The following STARD6 variants were observed in gnomAD, a reference collection of about 807,000 sequenced individuals.
STARD6 encodes the protein StAR related lipid transfer domain containing 6.
In STARD6, 21 loss-of-function variants were observed where a neutral mutation model predicts 22.3. The observed-to-expected ratio is 0.94, with a 90% CI of 0.67 to 1.35. The LOEUF is 1.35. STARD6 is among the 40% of genes most tolerant of loss of function. The probability of loss-of-function intolerance (pLI) is 0.00; values close to 1 mark genes in which losing one functional copy is unlikely to be tolerated. For missense variants in STARD6, 269 were observed against 266.9 expected, an observed-to-expected ratio of 1.01 and a Z score of -0.05; for synonymous variants, 80 against 88.1, an observed-to-expected ratio of 0.91 and a Z score of 0.52.
rs149971144 is a variant in STARD6, at chr18:54,339,665, C to A, written c.141-2414G>T. Among the ~76,000 whole-genome samples, 1,178 of 152,224 alleles carry A rather than the reference C, an allele frequency of 7.7e-3. 14 individuals are homozygous for A. The highest frequency in any genetic ancestry group is 0.048 in the Middle Eastern group (14 of 294). On this transcript the variant is annotated intron_variant, in intron 4 of 7. Transcript: ENST00000307844. ...AAAATAAAGGTTAAACAAAGACATT[C>A]TGAGATAAATAAAAACAGAGAATTT...
intron 4 of STARD6, among the ~76,000 whole-genome samples, chr18:54,353,741 A>G (rs933131553): frequency 6.6e-6 from 1 of 152,224 alleles, no homozygotes; most frequent in African/African-American, 2.4e-5. Context: ...AAAATTCCAT[A>G]AAATATTACT....
At chr18:54,354,000 A>T in intron 4 of STARD6, 54 bp downstream of exon 4, 1 of 1,092,568 alleles carries the variant, frequency 9.2e-7, no homozygotes, top group Non-Finnish European at 1.3e-6. Flanking sequence ...AATTCCAGAT[A>T]CATCAATGGC....
At chr18:54,356,663 G>A (rs1007886472) in intron 1 of STARD6, among the ~76,000 whole-genome samples, 12 of 152,184 alleles carry the variant, frequency 7.9e-5, no homozygotes, top group Middle Eastern at 3.4e-3. Flanking sequence ...CTATTTTAAA[G>A]GAACTCAGTT....
chr18:54,338,445 AC>A (rs1398688238), intron 4 of STARD6, among the ~76,000 whole-genome samples: 1 of 152,146 alleles, frequency 6.6e-6, no homozygotes. Flanking sequence ...CTAAAAGATA[AC>A]CGCAAGTAAA....
chr18:54,353,757 C>T (rs1421682980), intron 4 of STARD6, among the ~76,000 whole-genome samples: 1 of 152,110 alleles, frequency 6.6e-6, no homozygotes, highest in African/African-American at 2.4e-5. Context: ...TTACTGTTAG[C>T]AAGAAAATAC....
intron 2 of STARD6, among the ~76,000 whole-genome samples, chr18:54,354,921 T>A (rs994461225): frequency 6.6e-6 from 1 of 152,230 alleles, no homozygotes; most frequent in Non-Finnish European, 1.5e-5. Context: ...GAGGATTAGA[T>A]GAGATGATAT....
In STARD6 at chr18:54,354,597, A is replaced by G. The variant is rs757175195; in HGVS notation, c.-4-20T>C. The G allele has an allele frequency of 2.6e-6, 4 of 1,560,408 alleles. No individual in the cohort carries two copies. The Admixed American group carries it at 6.9e-5, about 27-fold the overall frequency. On this transcript the variant is annotated intron_variant, in intron 2 of 7. Coordinates refer to ENST00000307844, the MANE Select transcript of STARD6 (RefSeq NM_139171.2). The stretch of plus-strand genomic sequence containing the variant: ...ATCTATCTGCAAGTTTTAAAAACAA[A>G]CAACTGGTAAGAATATAACCATATA...
At chr18:54,329,124 C>T (rs1416867079) in intron 7 of STARD6, among the ~76,000 whole-genome samples, 3 of 152,088 alleles carry the variant, frequency 2.0e-5, no homozygotes, top group Admixed American at 6.6e-5. Flanking sequence ...TGACTGTTCT[C>T]AGAAACCTCA....
chr18:54,347,687 T>C (rs2144690855), intron 4 of STARD6, among the ~76,000 whole-genome samples: 1 of 152,256 alleles, frequency 6.6e-6, no homozygotes, highest in Non-Finnish European at 1.5e-5. Flanking sequence ...ACCAGGTTTA[T>C]GAAGATACTA....
At chr18:54,343,379 G>A (rs2088998253) in intron 4 of STARD6, among the ~76,000 whole-genome samples, 1 of 141,700 alleles carries the variant, frequency 7.1e-6, no homozygotes, top group Non-Finnish European at 1.6e-5. Context: ...TGGGGGGTCA[G>A]CCCCCCGCCC....
chr18:54,354,535 T>A lies in STARD6; in HGVS notation c.39A>T (p.Glu13Asp), dbSNP rs1323007696. The stretch of plus-strand genomic sequence containing the variant: ...ATGTATCTCGATTATAACCTAAAAC[T>A]TCTTGGGCAGTTTGTTGGGCAATTG... ...FKAIAQQTAQ[E>D]VLGYNRDTSG... The change falls in exon 3 of 8, where the codon GAA (glutamate) becomes GAT (aspartate). Residue 13 changes from glutamate (E) to aspartate (D), a missense_variant. Physicochemically the swap from Glu to Asp is conservative, Grantham distance 45. Transcript: ENST00000307844. 1 of 1,613,254 alleles carries A rather than the reference T, an allele frequency of 6.2e-7. No individual in the cohort carries two copies. Among genetic ancestry groups the A allele is most frequent in the South Asian group, 1.1e-5 (1 of 90,750 alleles).
At chr18:54,345,376 A>T (rs575654719) in intron 4 of STARD6, among the ~76,000 whole-genome samples, 2 of 152,346 alleles carry the variant, frequency 1.3e-5, no homozygotes, top group African/African-American at 4.8e-5. Flanking sequence ...CGTTTAAGAC[A>T]TATACTGAAA....
At chr18:54,339,473 A>G (rs549841535) in intron 4 of STARD6, among the ~76,000 whole-genome samples, 5 of 140,836 alleles carry the variant, frequency 3.6e-5, no homozygotes, top group Non-Finnish European at 4.4e-5. Flanking sequence ...AAGTCTTGAA[A>G]GCAGTTAAAA....
At chr18:54,340,575 A>G (rs866645562) in intron 4 of STARD6, among the ~76,000 whole-genome samples, 29 of 152,230 alleles carry the variant, frequency 1.9e-4, no homozygotes, top group South Asian at 4.1e-4. Context: ...ATACAACCAT[A>G]TAACAATAAC....
intron 5 of STARD6, 23 bp from the exon 6 acceptor site, chr18:54,331,882 G>A: frequency 6.8e-7 from 1 of 1,469,460 alleles, no homozygotes; most frequent in Non-Finnish European, 9.5e-7. Context: ...AAACCGTAAA[G>A]ATAACAAACG....
intron 4 of STARD6, among the ~76,000 whole-genome samples, chr18:54,341,026 C>T (rs1412815516): frequency 6.6e-6 from 1 of 152,102 alleles, no homozygotes; most frequent in African/African-American, 2.4e-5. Flanking sequence ...TAGATAATTT[C>T]ACAATAATAA....
In STARD6 at chr18:54,340,065, A is replaced by G. The variant is rs529297811; in HGVS notation, c.141-2814T>C. Among the ~76,000 whole-genome samples the G allele has an allele frequency of 5.9e-5, 9 of 152,302 alleles. No homozygotes were observed. In the East Asian group the frequency reaches 1.3e-3, roughly 23 times the overall value. On this transcript the variant is annotated intron_variant, in intron 4 of 7. Transcript: ENST00000307844. ...GGTAAATAAGAAAGAATATATTTCTAAAGCTATATTTCTATATAGATGTAT... is the reference window on the plus strand; with the variant it reads ...GGTAAATAAGAAAGAATATATTTCTGAAGCTATATTTCTATATAGATGTAT...
chr18:54,354,158 A>G, intron 3 of STARD6, 55 bp from the exon 4 acceptor site: 1 of 1,174,456 alleles, frequency 8.5e-7, no homozygotes, highest in East Asian at 2.4e-5. Context: ...AGGAAAAATG[A>G]AAATGAAAAA....
At chr18:54,354,151 A>C (rs750766490) in intron 3 of STARD6, 48 bp from the exon 4 acceptor site, 21 of 1,234,964 alleles carry the variant, frequency 1.7e-5, no homozygotes. Flanking sequence ...CAAATGCAGG[A>C]AAAATGAAAA....
Sources: gnomAD v4.1 joint callset for allele counts (sites outside exome capture counted in the v4.1 genomes callset) on GRCh38, gnomAD v4.1.1 for gene constraint, MANE v1.5 for transcripts, NCBI Gene and HGNC (gene_info 2026-07-23, HGNC 2026-07-21) for gene names.